The following TBC1D13 variants were observed in gnomAD, a reference collection of about 807,000 sequenced individuals.
TBC1D13 encodes the protein TBC1 domain family member 13, also known as epididymis secretory sperm binding protein.
TBC1D13 carries 40 observed loss-of-function variants against 53.6 expected under a neutral mutation model. The ratio of observed to expected loss-of-function variants is 0.75; its 90% CI spans 0.58 to 0.97. The LOEUF is 0.97. Among genes scored for constraint, TBC1D13 ranks in the 50% least tolerant of loss-of-function variants. The probability of loss-of-function intolerance (pLI) is 0.00; values close to 1 mark genes in which losing one functional copy is unlikely to be tolerated. For synonymous variants in TBC1D13, 182 were observed against 197.7 expected (o/e 0.92, Z 0.67); for missense variants, 377 against 499.4 (o/e 0.75, Z 2.34).
chr9:128,793,019 A>G (rs1431720545), intron 6 of TBC1D13, among the ~76,000 whole-genome samples: 2 of 152,180 alleles, frequency 1.3e-5, no homozygotes, highest in East Asian at 3.9e-4. Context: ...CCTGAAGGAA[A>G]ATTTGAGGGG....
chr9:128,797,761 C>T (rs1409543161), intron 7 of TBC1D13, among the ~76,000 whole-genome samples: 1 of 152,126 alleles, frequency 6.6e-6, no homozygotes, highest in Non-Finnish European at 1.5e-5. Context: ...CTACATCACA[C>T]TACTGCCCTC....
intron 2 of TBC1D13, among the ~76,000 whole-genome samples, chr9:128,789,455 T>C (rs1256993131): frequency 1.3e-5 from 2 of 152,066 alleles, no homozygotes; most frequent in Non-Finnish European, 2.9e-5. Context: ...CCTGATCTTA[T>C]TGCAGGATAA....
At chr9:128,796,971 G>A in intron 6 of TBC1D13, 84 bp from the exon 7 acceptor site, 1 of 1,444,880 alleles carries the variant, frequency 6.9e-7, no homozygotes, top group Non-Finnish European at 9.5e-7. Context: ...AATGCTTTTG[G>A]GGAGTCTTGG....
chr9:128,810,382 C>G lies in TBC1D13; in HGVS notation c.*2503C>G, dbSNP rs970843233. 1 of 152,238 alleles carries G rather than the reference C, an allele frequency of 6.6e-6. No homozygotes were observed. Among genetic ancestry groups the G allele is most frequent in the African/African-American group, 2.4e-5 (1 of 41,448 alleles). The allele number at this position is 152,238 out of a possible 1,614,324, so 9.4% of individuals were successfully genotyped here. A position where few individuals can be genotyped will look rare whatever the true frequency, so the allele number is the denominator to read the frequency against. On this transcript the variant is annotated 3_prime_UTR_variant, in exon 12 of 12. Coordinates refer to ENST00000372648, the MANE Select transcript of TBC1D13 (RefSeq NM_018201.5). ...ATCTGTTTTGTTCCTTGAGTCAGTG[C>G]TGTTGATGACGAGTTGTCTTGAATA... is the stretch of plus-strand genomic sequence containing the variant.
chr9:128,802,591 TTC>T (rs1216930751), intron 7 of TBC1D13, among the ~76,000 whole-genome samples: 1 of 152,186 alleles, frequency 6.6e-6, no homozygotes, highest in Non-Finnish European at 1.5e-5. Flanking sequence ...ATGTCCCATA[TTC>T]TAGGTTTGTC....
chr9:128,792,949 G>A (rs1253225314), intron 6 of TBC1D13, among the ~76,000 whole-genome samples: 1 of 152,222 alleles, frequency 6.6e-6, no homozygotes, highest in Non-Finnish European at 1.5e-5. Flanking sequence ...TAGAAGGGAG[G>A]ATGGCAAGAC....
intron 9 of TBC1D13, 117 bp downstream of exon 9, chr9:128,804,236 T>C: frequency 8.1e-7 from 1 of 1,228,020 alleles, no homozygotes; most frequent in East Asian, 2.5e-5. Flanking sequence ...CTGCTGCTGC[T>C]GCTGCCCGGG....
Position 128,803,254 on chromosome 9 carries a change from G to A in TBC1D13, c.548G>A (p.Ser183Asn). The A allele has an allele frequency of 1.2e-6, 2 of 1,613,982 alleles. No individual in the cohort carries two copies. The highest frequency in any genetic ancestry group is 1.7e-6 in the Non-Finnish European group (2 of 1,179,938). ...ARNRSGVTNM[S>N]SPHKNSVPSS... ...GCTCCTCCTCTTCTCCTCCAGATGAGCTCCCCACACAAGAACTCTGTGCCA... is the reference window on the plus strand; with the variant it reads ...GCTCCTCCTCTTCTCCTCCAGATGAACTCCCCACACAAGAACTCTGTGCCA... Residue 183 changes from serine to asparagine, a missense_variant, in exon 8 of 12, where the codon AGC becomes AAC. Ser to Asn is a conservative substitution (Grantham distance 46). Coordinates refer to ENST00000372648, the MANE Select transcript of TBC1D13 (RefSeq NM_018201.5).
chr9:128,798,504 C>T (rs1829675962), intron 7 of TBC1D13, among the ~76,000 whole-genome samples: 1 of 152,142 alleles, frequency 6.6e-6, no homozygotes, highest in African/African-American at 2.4e-5. Context: ...ATGCTTTAGG[C>T]ACTGTGGAGA....
At chr9:128,806,128 G>A in intron 10 of TBC1D13, 109 bp downstream of exon 10, 3 of 1,586,536 alleles carry the variant, frequency 1.9e-6, no homozygotes, top group Non-Finnish European at 2.6e-6. Context: ...TTCATGGCTG[G>A]AGTGGGATTC....
intron 7 of TBC1D13, among the ~76,000 whole-genome samples, chr9:128,798,239 C>A (rs560440298): frequency 6.6e-6 from 1 of 151,078 alleles, no homozygotes; most frequent in African/African-American, 2.4e-5. Flanking sequence ...GGTGACAAAA[C>A]GAGACCCTGT....
At chr9:128,807,330 G>A (rs913875514) in intron 11 of TBC1D13, among the ~76,000 whole-genome samples, 60 of 152,016 alleles carry the variant, frequency 3.9e-4, no homozygotes, top group Admixed American at 8.5e-4. Context: ...CAGGTGATCC[G>A]CCCACCTCAG....
intron 3 of TBC1D13, 80 bp downstream of exon 3, chr9:128,790,855 T>G (rs1829520743): frequency 2.1e-6 from 3 of 1,427,722 alleles, no homozygotes; most frequent in African/African-American, 1.5e-5. Context: ...ACCCCTGGCT[T>G]CTTCCTCCTG....
intron 3 of TBC1D13, among the ~76,000 whole-genome samples, chr9:128,791,018 T>A (rs1370077181): frequency 6.6e-6 from 1 of 152,164 alleles, no homozygotes; most frequent in Non-Finnish European, 1.5e-5. Flanking sequence ...TGAAGTACAG[T>A]GAAAGTCATG....
chr9:128,807,675 G>C (rs376277379), intron 11 of TBC1D13, 139 bp from the exon 12 acceptor site: 1 of 828,378 alleles, frequency 1.2e-6, no homozygotes, highest in African/African-American at 1.7e-5. Flanking sequence ...GGGTTGGGGA[G>C]TGTGGGATGC....
chr9:128,788,596 G>T (rs1413295178), intron 2 of TBC1D13, among the ~76,000 whole-genome samples, 189 bp downstream of exon 2: 1 of 152,198 alleles, frequency 6.6e-6, no homozygotes, highest in East Asian at 1.9e-4. Flanking sequence ...ACTGCCTTGA[G>T]CTTGGAGGGG....
Position 128,805,853 on chromosome 9 carries a change from C to T in TBC1D13, c.919-6C>T. ...ATGCCCCCCACCCCCCACGCTGTCT[C>T]CCCAGCAAGAGCAGAACATCAAGCC... On this transcript the variant is annotated splice_region_variant and splice_polypyrimidine_tract_variant and intron_variant, in intron 9 of 11. Transcript: ENST00000372648. 1 of 1,612,656 alleles carries T rather than the reference C, an allele frequency of 6.2e-7. No individual in the cohort carries two copies. Among genetic ancestry groups the T allele is most frequent in the Non-Finnish European group, 8.5e-7 (1 of 1,179,558 alleles).
chr9:128,787,695 A>C, intron 1 of TBC1D13, among the ~76,000 whole-genome samples: 2 of 115,128 alleles, frequency 1.7e-5, no homozygotes, highest in African/African-American at 3.4e-5. Context: ...CTGCTCCCGT[A>C]CTCTCTCCAA....
chr9:128,788,702 T>C (rs921039771), intron 2 of TBC1D13, among the ~76,000 whole-genome samples: 4 of 106,714 alleles, frequency 3.7e-5, no homozygotes, highest in Non-Finnish European at 7.7e-5. Flanking sequence ...AGGACAGGAC[T>C]GAAGCCTGGA....
Sources: allele counts gnomAD v4.1 joint callset (sites outside exome capture counted in the v4.1 genomes callset), GRCh38; gene constraint gnomAD v4.1.1; transcripts MANE v1.5; gene names NCBI Gene and HGNC (gene_info 2026-07-23, HGNC 2026-07-21).